CTTNBP2: variants seen among roughly 807,000 people sequenced by gnomAD.
CTTNBP2 encodes cortactin binding protein 2.
In CTTNBP2, 108 loss-of-function variants were observed where a neutral mutation model predicts 156.9. The observed-to-expected ratio is 0.69, with a 90% CI of 0.59 to 0.81. CTTNBP2 has a LOEUF of 0.81. Among genes scored for constraint, CTTNBP2 ranks in the 30% least tolerant of loss-of-function variants. CTTNBP2 has a pLI of 0.00. For synonymous variants in CTTNBP2, 767 were observed against 751.8 expected (o/e 1.02, Z -0.33); for missense variants, 1,924 against 2,035.4 (o/e 0.95, Z 1.05).
Position 117,711,669 on chromosome 7 carries a change from G to A in CTTNBP2, c.4860C>T (p.Val1620=). ...KSFLPVPRSK[V]TQCSQNTKRS... is the part of the protein sequence containing the mutation. ...TTTTGGTGTTCTGGGAACACTGGGT[G>A]ACTTTACTTCTAGGAACAGGAAGAA... is the stretch of plus-strand genomic sequence containing the variant. Residue 1620 remains valine, a synonymous_variant, in exon 23 of 23, where the codon GTC becomes GTT. Transcript: ENST00000160373. 6.2e-7 allele frequency: 1 copy of A among 1,614,016 alleles called. No individual in the cohort carries two copies. Among genetic ancestry groups the A allele is most frequent in the Non-Finnish European group, 8.5e-7 (1 of 1,179,958 alleles).
chr7:117,750,177 T>A (rs1796546864), intron 12 of CTTNBP2, among the ~76,000 whole-genome samples: 1 of 152,098 alleles, frequency 6.6e-6, no homozygotes, highest in African/African-American at 2.4e-5. Context: ...AGAACAAGAG[T>A]GCTCTATTCA....
intron 14 of CTTNBP2, among the ~76,000 whole-genome samples, chr7:117,741,937 C>T (rs1796044210): frequency 6.6e-6 from 1 of 152,164 alleles, no homozygotes. Flanking sequence ...AATTTATATG[C>T]AAGCTAAGAG....
chr7:117,865,545 A>G (rs980267119), intron 1 of CTTNBP2, among the ~76,000 whole-genome samples: 2 of 151,156 alleles, frequency 1.3e-5, no homozygotes, highest in African/African-American at 4.9e-5. Context: ...GCATGGTGGC[A>G]TGCACCTGTA....
At chr7:117,738,136 T>C (rs1309508024) in intron 14 of CTTNBP2, among the ~76,000 whole-genome samples, 3 of 152,190 alleles carry the variant, frequency 2.0e-5, no homozygotes. Context: ...CAGGAATCGC[T>C]GGACCCATCC....
intron 9 of CTTNBP2, among the ~76,000 whole-genome samples, chr7:117,766,025 A>C (rs1441395976): frequency 6.6e-6 from 1 of 152,332 alleles, no homozygotes; most frequent in East Asian, 1.9e-4. Context: ...ATATATATTT[A>C]TTCCTTCTAC....
At chr7:117,725,667 G>A (rs148714405) in intron 17 of CTTNBP2, among the ~76,000 whole-genome samples, 1 of 152,048 alleles carries the variant, frequency 6.6e-6, no homozygotes, top group East Asian at 1.9e-4. Context: ...ACATTGTATT[G>A]TAATATTTCT....
chr7:117,720,886 T>C (rs905768245), intron 20 of CTTNBP2, among the ~76,000 whole-genome samples, 181 bp downstream of exon 20: 1 of 152,220 alleles, frequency 6.6e-6, no homozygotes, highest in Non-Finnish European at 1.5e-5. Context: ...AATTTAGACG[T>C]TATCCAAAGA....
At chr7:117,810,036 T>G (rs1000803014) in intron 3 of CTTNBP2, among the ~76,000 whole-genome samples, 2 of 152,190 alleles carry the variant, frequency 1.3e-5, no homozygotes, top group Admixed American at 6.5e-5. Context: ...CTTATTTCCT[T>G]ATTATCACCA....
At chr7:117,737,016 C>T (rs1205627734) in intron 14 of CTTNBP2, among the ~76,000 whole-genome samples, 3 of 151,990 alleles carry the variant, frequency 2.0e-5, no homozygotes, top group African/African-American at 7.2e-5. Context: ...GTAAATGAAT[C>T]TCTTCTCAGA....
intron 22 of CTTNBP2, chr7:117,714,113 A>G (rs934572891): frequency 6.6e-6 from 1 of 152,214 alleles, no homozygotes; most frequent in African/African-American, 2.4e-5. Context: ...CTCCATGTGT[A>G]CTTGATGGTA....
intron 22 of CTTNBP2, among the ~76,000 whole-genome samples, chr7:117,717,754 A>AAC (rs1794514310): frequency 6.6e-6 from 1 of 152,100 alleles, no homozygotes; most frequent in South Asian, 2.1e-4. Context: ...GAAAAAAAAA[A>AAC]AAACATGGAG....
At chr7:117,848,078 A>G (rs1378421800) in intron 2 of CTTNBP2, among the ~76,000 whole-genome samples, 1 of 152,008 alleles carries the variant, frequency 6.6e-6, no homozygotes, top group Admixed American at 6.5e-5. Context: ...CGGCCTCCCA[A>G]AGTGCTGGGA....
At chr7:117,741,909 C>A (rs1386377106) in intron 14 of CTTNBP2, among the ~76,000 whole-genome samples, 3 of 152,028 alleles carry the variant, frequency 2.0e-5, no homozygotes, top group South Asian at 2.1e-4. Context: ...CCAATTTATT[C>A]AAAAAATAAT....
chr7:117,817,250 C>T (rs966308817), intron 2 of CTTNBP2, among the ~76,000 whole-genome samples: 4 of 146,126 alleles, frequency 2.7e-5, no homozygotes, highest in African/African-American at 7.6e-5. Flanking sequence ...AGGAGAATGG[C>T]GTAAACCCGG....
At chr7:117,725,798 G>A (rs747652770) in intron 17 of CTTNBP2, among the ~76,000 whole-genome samples, 3 of 151,948 alleles carry the variant, frequency 2.0e-5, no homozygotes, top group Admixed American at 6.6e-5. Context: ...AGTGATTCTC[G>A]TGCCTCTGCC....
Position 117,831,920 on chromosome 7 carries a change from T to G in CTTNBP2, c.190-20931A>C, listed in dbSNP as rs533294895. Reference sequence around the variant, plus strand: ...GTTATTAATTCTATCTGTGCTGCCTTCTCCACTTCCTTTTCTAAGCTTCTA... The same window carrying G: ...GTTATTAATTCTATCTGTGCTGCCTGCTCCACTTCCTTTTCTAAGCTTCTA... On this transcript the variant is annotated intron_variant, in intron 2 of 22. Transcript: ENST00000160373. Among the ~76,000 whole-genome samples, 17 of 152,238 alleles carry G rather than the reference T, an allele frequency of 1.1e-4. No homozygotes were observed. The South Asian group carries it at 2.9e-3, about 26-fold the overall frequency.
intron 2 of CTTNBP2, among the ~76,000 whole-genome samples, chr7:117,857,241 T>A (rs984675619): frequency 3.9e-5 from 6 of 152,238 alleles, no homozygotes; most frequent in Non-Finnish European, 7.3e-5. Flanking sequence ...TTTCAGTTAA[T>A]CAGCTTTATG....
chr7:117,844,050 A>AG (rs1430800472), intron 2 of CTTNBP2, among the ~76,000 whole-genome samples: 1 of 78,030 alleles, frequency 1.3e-5, no homozygotes, highest in African/African-American at 6.6e-5. Flanking sequence ...AGCAGAAACG[A>AG]AGAGAGAGAG....
chr7:117,711,739 TTGC>T lies in CTTNBP2; in HGVS notation c.4787_4789del (p.Ser1596del), dbSNP rs1794067592. ...ACCCAACTCAGTCTTTGATTTACTG[TTGC>T]TGCATTCAGTAGTTTGATGGCTGCT... On this transcript the variant is annotated inframe_deletion, in exon 23 of 23. Coordinates refer to ENST00000160373, the MANE Select transcript of CTTNBP2 (RefSeq NM_033427.3). 1.2e-6 allele frequency: 2 copies of T among 1,613,934 alleles called. No individual in the cohort carries two copies. The highest frequency in any genetic ancestry group is 4.5e-5 in the East Asian group (2 of 44,876).
Sources: allele counts gnomAD v4.1 joint callset (sites outside exome capture counted in the v4.1 genomes callset), GRCh38; gene constraint gnomAD v4.1.1; transcripts MANE v1.5; gene names NCBI Gene and HGNC (gene_info 2026-07-23, HGNC 2026-07-21).